C2orf68: variants seen among roughly 807,000 people sequenced by gnomAD.
C2orf68 encodes chromosome 2 open reading frame 68.
In C2orf68, 15 loss-of-function variants were observed where a neutral mutation model predicts 19.1. The observed-to-expected ratio is 0.79, with a 90% confidence interval of 0.53 to 1.21. The LOEUF (loss-of-function observed/expected upper bound fraction) is 1.21. C2orf68 is among the 50% of genes most tolerant of loss of function. The pLI, the probability that C2orf68 is intolerant of heterozygous loss-of-function variation, is 0.00. For missense variants in C2orf68, 242 were observed against 226.6 expected (o/e 1.07, Z -0.44); for synonymous variants, 98 against 91.0 (o/e 1.08, Z -0.44).
chr2:85,610,097 C>A (rs1035455899), intron 2 of C2orf68: 1 of 150,784 alleles, frequency 6.6e-6, no homozygotes, highest in African/African-American at 2.5e-5. Context: ...TCACCGCAAC[C>A]TCTGCCTCCC....
At chr2:85,611,554 A>T in intron 2 of C2orf68, 114 bp downstream of exon 2, 1 of 1,551,076 alleles carries the variant, frequency 6.4e-7, no homozygotes, top group Non-Finnish European at 8.7e-7. Context: ...GGTTCCGGAA[A>T]GAGACGAGAT....
chr2:85,608,610 G>A lies in C2orf68; in HGVS notation c.*335C>T, dbSNP rs1446629623. On this transcript the variant is annotated 3_prime_UTR_variant, in exon 4 of 4. Transcript: ENST00000306336. The stretch of plus-strand genomic sequence containing the variant: ...CAGCAGCAGCCAGGCATATGACCTC[G>A]GTGAGAAAGCACCATGTTGCACGAG... 3.0e-5 allele frequency: 6 copies of A among 201,730 alleles called. No homozygotes were observed. The highest frequency in any genetic ancestry group is 1.5e-4 in the South Asian group (1 of 6,810). The allele number at this position is 201,730 out of a possible 1,614,324, so 12.5% of individuals were successfully genotyped here.
chr2:85,610,601 A>C (rs1393610520), intron 2 of C2orf68: 1 of 152,088 alleles, frequency 6.6e-6, no homozygotes, highest in Non-Finnish European at 1.5e-5. Flanking sequence ...CAATGAATTA[A>C]TATACGTAAG....
chr2:85,606,630 T>C lies in C2orf68; in HGVS notation c.*2315A>G, dbSNP rs1042268603. 6.6e-5 allele frequency: 10 copies of C among 152,166 alleles called. No individual in the cohort carries two copies. Among genetic ancestry groups the C allele is most frequent in the African/African-American group, 2.4e-4 (10 of 41,432 alleles). The allele number at this position is 152,166 out of a possible 1,614,324, so 9.4% of individuals were successfully genotyped here. On this transcript the variant is annotated 3_prime_UTR_variant, in exon 4 of 4. Coordinates refer to ENST00000306336, the MANE Select transcript of C2orf68 (RefSeq NM_001013649.4). ...TCTCTTGGGTAAAAAATATTAATAGTGTATATGCACTTGAAAAGCAAAATT... is the reference window on the plus strand; with the variant it reads ...TCTCTTGGGTAAAAAATATTAATAGCGTATATGCACTTGAAAAGCAAAATT...
chr2:85,611,507 G>A, intron 2 of C2orf68, 161 bp downstream of exon 2: 1 of 1,550,946 alleles, frequency 6.4e-7, no homozygotes, highest in South Asian at 1.2e-5. Context: ...TTCTTGGTGA[G>A]AATCATTCAG....
chr2:85,607,276 C>A lies in C2orf68; in HGVS notation c.*1669G>T, dbSNP rs1369044781. Reference sequence around the variant, plus strand: ...AGAAGACTAGAATGACTGACTGGTTCTCTGACCAGGAAGAACAGGGGTGGA... The same window carrying A: ...AGAAGACTAGAATGACTGACTGGTTATCTGACCAGGAAGAACAGGGGTGGA... On this transcript the variant is annotated 3_prime_UTR_variant, in exon 4 of 4. Transcript: ENST00000306336. 1.3e-5 allele frequency: 2 copies of A among 152,244 alleles called. No individual in the cohort carries two copies. The highest frequency in any genetic ancestry group is 1.5e-5 in the Non-Finnish European group (1 of 68,050). The allele number at this position is 152,244 out of a possible 1,614,324, so 9.4% of individuals were successfully genotyped here. A position where few individuals can be genotyped will look rare whatever the true frequency, so the allele number is the denominator to read the frequency against.
intron 2 of C2orf68, chr2:85,611,439 G>C: frequency 6.5e-7 from 1 of 1,527,426 alleles, no homozygotes; most frequent in Non-Finnish European, 8.8e-7. Flanking sequence ...TAAACTTCTT[G>C]CTGGCTCCCC....
intron 3 of C2orf68, 122 bp downstream of exon 3, chr2:85,609,313 G>T: frequency 7.1e-7 from 1 of 1,405,824 alleles, no homozygotes; most frequent in Non-Finnish European, 9.7e-7. Flanking sequence ...GGCAGGCCTA[G>T]ACTCACATGT....
In C2orf68 at chr2:85,611,923, A is replaced by G. The variant is rs760315190; in HGVS notation, c.62T>C (p.Met21Thr). 2.5e-6 allele frequency: 4 copies of G among 1,589,088 alleles called. No individual in the cohort carries two copies. Among genetic ancestry groups the G allele is most frequent in the South Asian group, 1.1e-5 (1 of 90,388 alleles). ...HCCKPGGRLD[M>T]NHGFVHHIRR... is the part of the protein sequence containing the mutation. ...GATATGGTGCACGAAGCCGTGGTTC[A>G]TGTCCAGCCGCCCCCCAGGCTTGCA... is the stretch of plus-strand genomic sequence containing the variant. Residue 21 changes from methionine to threonine, a missense_variant, in exon 1 of 4, where the codon ATG becomes ACG. Coordinates refer to ENST00000306336, the MANE Select transcript of C2orf68 (RefSeq NM_001013649.4).
intron 3 of C2orf68, 90 bp downstream of exon 3, chr2:85,609,345 G>A (rs1258279530): frequency 9.2e-6 from 14 of 1,520,276 alleles, no homozygotes; most frequent in Non-Finnish European, 1.2e-5. Flanking sequence ...TTCCCATTGG[G>A]GGTCCTGAGG....
At position 85,609,427 on chromosome 2, in the gene C2orf68, A is replaced by G; in HGVS notation, c.378+8T>C. The G allele has an allele frequency of 6.2e-7, 1 of 1,613,552 alleles. No homozygotes were observed. Among genetic ancestry groups the G allele is most frequent in the Non-Finnish European group, 8.5e-7 (1 of 1,179,578 alleles). On this transcript the variant is annotated splice_region_variant and intron_variant, in intron 3 of 3. Transcript: ENST00000306336. ...CCTTCAGGCTGCAGCTGTTTCCACC[A>G]GGCGTACCTGATAGACGATAACTGA...
intron 2 of C2orf68, 72 bp from the exon 3 acceptor site, chr2:85,609,658 A>T: frequency 1.3e-6 from 2 of 1,565,792 alleles, no homozygotes; most frequent in Non-Finnish European, 1.7e-6. Flanking sequence ...GAGATGCTGC[A>T]GGAAAATATA....
chr2:85,609,302 C>G, intron 3 of C2orf68, 133 bp downstream of exon 3: 1 of 1,360,860 alleles, frequency 7.3e-7, no homozygotes, highest in South Asian at 1.4e-5. Flanking sequence ...AAGCACTGCC[C>G]GGCAGGCCTA....
chr2:85,611,937 C>G lies in C2orf68; in HGVS notation c.48G>C (p.Gly16=). ...AGCCGTGGTTCATGTCCAGCCGCCC[C>G]CCAGGCTTGCAGCAGTGCCCCGGCC... ...HPRPGHCCKP[G]GRLDMNHGFV... Residue 16 remains glycine (G), a synonymous_variant, in exon 1 of 4, where the codon GGG becomes GGC. Coordinates refer to ENST00000306336, the MANE Select transcript of C2orf68 (RefSeq NM_001013649.4). The G allele has an allele frequency of 8.2e-6, 13 of 1,585,640 alleles. No individual in the cohort carries two copies. The highest frequency in any genetic ancestry group is 1.1e-5 in the Non-Finnish European group (13 of 1,173,190).
chr2:85,611,462 G>C (rs960312953), intron 2 of C2orf68: 8 of 1,546,010 alleles, frequency 5.2e-6, no homozygotes, highest in Non-Finnish European at 7.0e-6. Context: ...TACTCTGACA[G>C]CGATGCTTAA....
At chr2:85,611,437 T>C in intron 2 of C2orf68, 2 of 1,526,290 alleles carry the variant, frequency 1.3e-6, no homozygotes, top group Non-Finnish European at 1.8e-6. Context: ...GATAAACTTC[T>C]TGCTGGCTCC....
intron 3 of C2orf68, 66 bp from the exon 4 acceptor site, chr2:85,609,133 C>T (rs758761543): frequency 1.9e-6 from 3 of 1,582,712 alleles, no homozygotes; most frequent in Non-Finnish European, 2.6e-6. Context: ...CTGCCCTGTC[C>T]CTAAACACTC....
chr2:85,608,757 T>G lies in C2orf68; in HGVS notation c.*188A>C, dbSNP rs970807097. The G allele has an allele frequency of 9.1e-5, 23 of 253,110 alleles. No individual in the cohort carries two copies. The highest frequency in any genetic ancestry group is 1.5e-4 in the Non-Finnish European group (22 of 149,296). 15.7% of individuals were successfully genotyped at this position (253,110 alleles called of 1,614,324 possible). On this transcript the variant is annotated 3_prime_UTR_variant, in exon 4 of 4. Transcript: ENST00000306336. ...ATTCCAGAATATCAGGCTGGGCAAA[T>G]GGGTCAACATATAAGAAAGAATGAC... is the stretch of plus-strand genomic sequence containing the variant.
chr2:85,611,951 A>G lies in C2orf68; in HGVS notation c.34T>C (p.Cys12Arg). The G allele has an allele frequency of 6.4e-7, 1 of 1,569,770 alleles. No individual in the cohort carries two copies. The highest frequency in any genetic ancestry group is 8.6e-7 in the Non-Finnish European group (1 of 1,167,108). The change falls in exon 1 of 4, where the codon TGC becomes CGC. Residue 12 changes from cysteine (C) to arginine (R), a missense_variant. Coordinates refer to ENST00000306336, the MANE Select transcript of C2orf68 (RefSeq NM_001013649.4). ...TCCAGCCGCCCCCCAGGCTTGCAGC[A>G]GTGCCCCGGCCGGGGATGCGGCCCC... ...EAGPHPRPGH[C>R]CKPGGRLDMN... is the part of the protein sequence containing the mutation.
Sources: gnomAD v4.1 joint callset for allele counts on GRCh38, gnomAD v4.1.1 for gene constraint, MANE v1.5 for transcripts, NCBI Gene and HGNC (gene_info 2026-07-23, HGNC 2026-07-21) for gene names.